PDE4A: variants seen among roughly 807,000 people sequenced by gnomAD.
PDE4A encodes the protein phosphodiesterase 4A.
A neutral mutation model predicts 73.9 loss-of-function variants in PDE4A; 21 were observed. That is an observed-to-expected ratio of 0.28 (90% CI 0.20 to 0.41). The LOEUF (loss-of-function observed/expected upper bound fraction) is 0.41, where lower values mean the gene tolerates loss of function less well. Ranked by LOEUF, PDE4A falls within the 10% of genes least tolerant of loss-of-function variation. PDE4A has a pLI of 1.00. For synonymous variants in PDE4A, 463 were observed against 505.4 expected (o/e 0.92, Z 1.13); for missense variants, 958 against 1,211.4 (o/e 0.79, Z 3.10).
Position 10,455,182 on chromosome 19 carries a change from G to A in PDE4A, c.877+260G>A, listed in dbSNP as rs140133663. 1.5e-3 allele frequency among the ~76,000 whole-genome samples: 226 copies of A among 152,200 alleles called. 1 individual carries two copies. The highest frequency in any genetic ancestry group is 5.1e-3 in the African/African-American group (212 of 41,544). ...TCTAAACTTTAAAAAGCCTCCAAGC[G>A]CCGGGCGCGGTGGCTCACGCCTGTA... On this transcript the variant is annotated intron_variant, in intron 7 of 14. Coordinates refer to ENST00000380702, the MANE Select transcript of PDE4A (RefSeq NM_001111307.2).
At position 10,462,932 on chromosome 19, in the gene PDE4A, G is replaced by A. The variant is rs188545534; in HGVS notation, c.1744-861G>A. Among the ~76,000 whole-genome samples the A allele has an allele frequency of 7.2e-3, 1,092 of 152,246 alleles. 14 individuals are homozygous for A. Among genetic ancestry groups the A allele is most frequent in the African/African-American group, 0.024 (1,014 of 41,540 alleles). On this transcript the variant is annotated intron_variant, in intron 13 of 14. Coordinates refer to ENST00000380702, the MANE Select transcript of PDE4A (RefSeq NM_001111307.2). ...CTGAAAGCTGGGTGTGGTGGCTCAC[G>A]CCTATAATCTCAACTACTCCAGAGG...
In PDE4A at chr19:10,458,314, T is replaced by A. The variant is rs971845418; in HGVS notation, c.1101+212T>A. ...CGTCCCCAGGGCTGGACGTATCACC[T>A]CTTGCATGTAGCTCCTGTTGGGACT... On this transcript the variant is annotated intron_variant, in intron 8 of 14. Transcript: ENST00000380702. The surrounding 1 kb of genome is among the most constrained non-coding windows in gnomAD (Gnocchi z 4.6). Among the ~76,000 whole-genome samples the A allele has an allele frequency of 6.6e-6, 1 of 152,198 alleles. No homozygotes were observed. Among genetic ancestry groups the A allele is most frequent in the African/African-American group, 2.4e-5 (1 of 41,456 alleles).
At chr19:10,456,100 C>T (rs982906991) in intron 7 of PDE4A, among the ~76,000 whole-genome samples, 3 of 151,668 alleles carry the variant, frequency 2.0e-5, no homozygotes, top group Non-Finnish European at 4.4e-5. Flanking sequence ...AGCTTAAGAA[C>T]CTGTAAGAGG....
chr19:10,446,152 C>T, intron 1 of PDE4A, 66 bp from the exon 2 acceptor site: 12 of 1,516,284 alleles, frequency 7.9e-6, no homozygotes, highest in Non-Finnish European at 8.9e-6. Flanking sequence ...CCGGCCTCCT[C>T]ATTCCTCTTG....
At chr19:10,440,030 G>A (rs2042916180) in intron 1 of PDE4A, among the ~76,000 whole-genome samples, 1 of 131,980 alleles carries the variant, frequency 7.6e-6, no homozygotes, top group Non-Finnish European at 1.6e-5. Flanking sequence ...TGTCACCCAG[G>A]CTGGAGTGCA....
upstream of PDE4A, chr19:10,417,846 A>T (rs561419660): frequency 3.3e-4 from 520 of 1,557,892 alleles, 1 homozygote; most frequent in Middle Eastern, 3.3e-3. Context: ...GATTTCCATC[A>T]CCAGGGCCGA....
rs1377068114 is a variant in PDE4A at position 10,420,828 on chromosome 19, G to T, written c.64G>T (p.Gly22Cys). The change falls in exon 1 of 15, where the codon GGC becomes TGC. Residue 22 changes from glycine (G) to cysteine (C), a missense_variant. Gly to Cys is a radical substitution (Grantham distance 159). Coordinates refer to ENST00000380702, the MANE Select transcript of PDE4A (RefSeq NM_001111307.2). The surrounding 1 kb of genome is among the most constrained non-coding windows in gnomAD (Gnocchi z 6.0). ...TCTGTCACTGCCCGGGCCCCGGGAG[G>T]GCCAGGCCACCCTGAAGCCTCCCCC... The part of the protein sequence containing the change: ...LSLSLPGPRE[G>C]QATLKPPPQH... 6.3e-7 allele frequency: 1 copy of T among 1,588,526 alleles called. No homozygotes were observed. Among genetic ancestry groups the T allele is most frequent in the Admixed American group, 1.7e-5 (1 of 59,110 alleles).
chr19:10,420,896 G>C lies in PDE4A; in HGVS notation c.132G>C (p.Gln44His), dbSNP rs768128112. Residue 44 changes from glutamine to histidine, a missense_variant, in exon 1 of 15, where the codon CAG becomes CAC. Physicochemically the swap from Gln to His is conservative, Grantham distance 24. This residue lies in a region of PDE4A where 145 missense variants were observed against 137.8 expected (regional missense o/e 1.05). Transcript: ENST00000380702. The surrounding 1 kb of genome is among the most constrained non-coding windows in gnomAD (Gnocchi z 6.0). The part of the protein sequence containing the change: ...WRQPRTPIRI[Q>H]QRGYSDSAER... ...AGCCTCGGACCCCCATCCGTATCCA[G>C]CAGCGCGGCTACTCCGACAGCGCGG... 9 of 1,588,594 alleles carry C rather than the reference G, an allele frequency of 5.7e-6. No individual in the cohort carries two copies. Among genetic ancestry groups the C allele is most frequent in the East Asian group, 2.3e-5 (1 of 43,744 alleles).
intron 1 of PDE4A, chr19:10,428,017 A>C: frequency 1.2e-5 from 2 of 172,344 alleles, no homozygotes; most frequent in Non-Finnish European, 2.3e-5. Context: ...AAAAAAGAAT[A>C]TCACCTGGTG....
At chr19:10,437,493 C>T (rs773782373) in intron 1 of PDE4A, among the ~76,000 whole-genome samples, 1 of 151,860 alleles carries the variant, frequency 6.6e-6, no homozygotes, top group Non-Finnish European at 1.5e-5. Flanking sequence ...GATCACAGCT[C>T]ACTGCAGCCT....
At chr19:10,452,228 T>C (rs2043102454) in intron 6 of PDE4A, among the ~76,000 whole-genome samples, 1 of 151,414 alleles carries the variant, frequency 6.6e-6, no homozygotes, top group South Asian at 2.1e-4. Context: ...TCACCTGAGG[T>C]CGGGAGTTCG....
chr19:10,423,021 C>A, intron 1 of PDE4A: 1 of 750,070 alleles, frequency 1.3e-6, no homozygotes, highest in African/African-American at 1.9e-5. Context: ...GGGTATCCAT[C>A]TCGCAATGGC....
Position 10,453,333 on chromosome 19 carries a change from G to A in PDE4A, c.784-1496G>A, listed in dbSNP as rs759332939. 13 of 1,612,414 alleles carry A rather than the reference G, an allele frequency of 8.1e-6. No individual in the cohort carries two copies. Among genetic ancestry groups the A allele is most frequent in the African/African-American group, 8.0e-5 (6 of 74,898 alleles). On this transcript the variant is annotated intron_variant, in intron 6 of 14. Coordinates refer to ENST00000380702, the MANE Select transcript of PDE4A (RefSeq NM_001111307.2). This position sits in a 1 kb window ranked among gnomAD's most constrained non-coding sequence, Gnocchi z 4.6. ...GCTGGTGGGCTGGTGGGACCAGGTA[G>A]GAGAGTGCAGGGTAGGGGGTGGGCG...
intron 7 of PDE4A, among the ~76,000 whole-genome samples, chr19:10,456,273 A>G (rs1262723160): frequency 3.3e-5 from 5 of 152,068 alleles, no homozygotes; most frequent in Non-Finnish European, 7.4e-5. Context: ...CACGCCTGTA[A>G]TCCCAGCATT....
At position 10,431,120 on chromosome 19, in the gene PDE4A, C is replaced by T. The variant is rs752244702; in HGVS notation, c.320+10036C>T. The T allele has an allele frequency of 2.5e-5, 35 of 1,412,728 alleles. No homozygotes were observed. The East Asian group carries it at 9.1e-4, about 37-fold the overall frequency. 87.5% of individuals were successfully genotyped at this position (1,412,728 alleles called of 1,614,324 possible). A position where few individuals can be genotyped will look rare whatever the true frequency, so the allele number is the denominator to read the frequency against. On this transcript the variant is annotated intron_variant, in intron 1 of 14. Coordinates refer to ENST00000380702, the MANE Select transcript of PDE4A (RefSeq NM_001111307.2). ...AGCGCTGGTGGCCGTGGGTTCAAGT[C>T]GCCCCTGGCCACCTGGCGCACTCCA...
At chr19:10,437,268 C>T (rs1245729137) in intron 1 of PDE4A, among the ~76,000 whole-genome samples, 1 of 152,090 alleles carries the variant, frequency 6.6e-6, no homozygotes, top group Non-Finnish European at 1.5e-5. Flanking sequence ...AGATCACAGG[C>T]GCACACCAGC....
rs565543816 is a variant in PDE4A, at chr19:10,420,735, C to A, written c.-30C>A. On this transcript the variant is annotated 5_prime_UTR_variant, in exon 1 of 15. Transcript: ENST00000380702. This position sits in a 1 kb window ranked among gnomAD's most constrained non-coding sequence, Gnocchi z 6.0. ...GGGGTGTAGGTTGGAAGGGCCAGGG[C>A]CCCCTGGGGCGCAAGTGGGGGCCGG... is the stretch of plus-strand genomic sequence containing the variant. 4 of 1,503,534 alleles carry A rather than the reference C, an allele frequency of 2.7e-6. No homozygotes were observed. The highest frequency in any genetic ancestry group is 1.8e-6 in the Non-Finnish European group (2 of 1,138,686). 93.1% of individuals were successfully genotyped at this position (1,503,534 alleles called of 1,614,324 possible).
rs1308151510 is a variant in PDE4A at position 10,441,684 on chromosome 19, A to ATTT, written c.321-4513_321-4511dup. On this transcript the variant is annotated intron_variant, in intron 1 of 14. Coordinates refer to ENST00000380702, the MANE Select transcript of PDE4A (RefSeq NM_001111307.2). ...TTTAGGTATTTGGTCATTTTGAGTT[A>ATTT]TTTTTTTTTTTTTTTTTTTTTTTGA... Among the ~76,000 whole-genome samples the ATTT allele has an allele frequency of 2.9e-3, 270 of 92,682 alleles. 1 individual carries two copies. Among genetic ancestry groups the ATTT allele is most frequent in the African/African-American group, 6.1e-3 (136 of 22,192 alleles). The allele number at this position is 92,682 out of a possible 152,430, so 60.8% of individuals were successfully genotyped here.
chr19:10,438,602 T>C (rs192255882), intron 1 of PDE4A, among the ~76,000 whole-genome samples: 2 of 152,234 alleles, frequency 1.3e-5, no homozygotes, highest in East Asian at 3.9e-4. Context: ...GCATAATGTT[T>C]TTTTGTTTGT....
Sources: gnomAD v4.1 joint callset for allele counts (sites outside exome capture counted in the v4.1 genomes callset) on GRCh38, gnomAD v4.1.1 for gene constraint, gnomAD v4.1.1 regional missense constraint, Gnocchi (gnomAD v3.1) non-coding constraint, MANE v1.5 for transcripts, NCBI Gene and HGNC (gene_info 2026-07-23, HGNC 2026-07-21) for gene names.